Variants in PTPRB observed in about 807,000 individuals in gnomAD.
The protein encoded by PTPRB is receptor-type tyrosine-protein phosphatase beta.
In PTPRB, 97 loss-of-function variants were observed where a neutral mutation model predicts 238.1. The ratio of observed to expected loss-of-function variants is 0.41; its 90% CI spans 0.35 to 0.48. The LOEUF is 0.48. Ranked by LOEUF, PTPRB falls within the 20% of genes least tolerant of loss-of-function variation. The pLI is 0.30. For synonymous variants in PTPRB, 970 were observed against 995.4 expected, an observed-to-expected ratio of 0.97 and a Z score of 0.48; for missense variants, 2,292 against 2,681.9, an observed-to-expected ratio of 0.85 and a Z score of 3.21.
Position 70,611,283 on chromosome 12 carries a change from C to CTATT in PTPRB, c.709-1948_709-1945dup, listed in dbSNP as rs555158055. ...GAAAAAAGTGAAAATTGTTTCAATTCTATTTATTTATTTATTTATTTTTGA... is the reference window on the plus strand; with the variant it reads ...GAAAAAAGTGAAAATTGTTTCAATTCTATTTATTTATTTATTTATTTATTTTTGA... On this transcript the variant is annotated intron_variant, in intron 3 of 33. Transcript: ENST00000334414. 3.8e-4 allele frequency among the ~76,000 whole-genome samples: 58 copies of CTATT among 152,078 alleles called. No individual in the cohort carries two copies. In the South Asian group the frequency reaches 5.8e-3, roughly 15 times the overall value.
At chr12:70,628,619 A>G (rs536186290) in intron 2 of PTPRB, among the ~76,000 whole-genome samples, 6 of 152,204 alleles carry the variant, frequency 3.9e-5, no homozygotes, top group African/African-American at 1.4e-4. Flanking sequence ...AGGCCAAGGC[A>G]TGAGAAATTT....
rs1449619717 is a variant in PTPRB, at chr12:70,566,291, G to GT, written c.3904+143dup. Reference sequence around the variant, plus strand: ...CGTGGATAGGGCAACTGACATGGAAGTGGCAAATCAGGGTGAATGTTCCCA... The same window carrying GT: ...CGTGGATAGGGCAACTGACATGGAAGTTGGCAAATCAGGGTGAATGTTCCCA... On this transcript the variant is annotated intron_variant, in intron 15 of 33. Coordinates refer to ENST00000334414, the MANE Select transcript of PTPRB (RefSeq NM_001109754.4). 17 of 1,050,178 alleles carry GT rather than the reference G, an allele frequency of 1.6e-5. No individual in the cohort carries two copies. In the African/African-American group the frequency reaches 2.7e-4, roughly 17 times the overall value. 65.1% of individuals were successfully genotyped at this position (1,050,178 alleles called of 1,614,324 possible).
At chr12:70,528,848 C>T (rs1359165840) in intron 32 of PTPRB, among the ~76,000 whole-genome samples, 1 of 152,058 alleles carries the variant, frequency 6.6e-6, no homozygotes, top group Admixed American at 6.6e-5. Context: ...GATGGCAATA[C>T]TATTAAATGA....
At chr12:70,535,346 A>G (rs1045574309) in intron 29 of PTPRB, among the ~76,000 whole-genome samples, 3 of 148,944 alleles carry the variant, frequency 2.0e-5, no homozygotes, top group African/African-American at 4.9e-5. Context: ...AGAGGAAGGC[A>G]CTGTCTTCCT....
rs1266834094 is a variant in PTPRB at position 70,546,811 on chromosome 12, GGCTGGAGGAGAAGCAGTCCCAGGGAA to G, written c.5388-2174_5388-2149del. On this transcript the variant is annotated intron_variant, in intron 21 of 33. Coordinates refer to ENST00000334414, the MANE Select transcript of PTPRB (RefSeq NM_001109754.4). ...GCTGGAGGAGAAGCAGTCCCAGGGA[GGCTGGAGGAGAAGCAGTCCCAGGGAA>G]GCTGGAGGAGGGCATCGCTGCTCTA... Among the ~76,000 whole-genome samples, 12 of 150,194 alleles carry G rather than the reference GGCTGGAGGAGAAGCAGTCCCAGGGAA, an allele frequency of 8.0e-5. No homozygotes were observed. In the South Asian group the frequency reaches 8.3e-4, roughly 10 times the overall value.
Position 70,571,946 on chromosome 12 carries a change from C to T in PTPRB, c.2984G>A (p.Ser995Asn). The T allele has an allele frequency of 2.5e-6, 4 of 1,613,978 alleles. No individual in the cohort carries two copies. Among genetic ancestry groups the T allele is most frequent in the Non-Finnish European group, 3.4e-6 (4 of 1,179,890 alleles). ...KNKNNFIQTK[S>N]IPKSENECVF... ...ACATTCGTTTTCTGACTTGGGAATGCTTTTAGTTTGAATGAAGTTGTTTTT... is the reference window on the plus strand; with the variant it reads ...ACATTCGTTTTCTGACTTGGGAATGTTTTTAGTTTGAATGAAGTTGTTTTT... The change falls in exon 12 of 34, where the codon AGC becomes AAC. Residue 995 changes from serine to asparagine, a missense_variant. Coordinates refer to ENST00000334414, the MANE Select transcript of PTPRB (RefSeq NM_001109754.4).
rs768889782 is a variant in PTPRB, at chr12:70,576,369, C to T, written c.2842+13G>A. The T allele has an allele frequency of 6.2e-7, 1 of 1,610,430 alleles. No homozygotes were observed. ...TGGTTCTTACGGAGCCCTGAACCTT[C>T]ATACAGCCTTACCTGTCCGCTCTTG... On this transcript the variant is annotated intron_variant, in intron 11 of 33. Coordinates refer to ENST00000334414, the MANE Select transcript of PTPRB (RefSeq NM_001109754.4).
chr12:70,541,660 TC>T (rs34012131), intron 22 of PTPRB: 36,082 of 152,204 alleles, frequency 0.24, 5,011 homozygotes, highest in East Asian at 0.49. Context: ...TAATCTACTT[TC>T]TGTGTCTGTG....
At chr12:70,541,170 A>T (rs550116171) in intron 22 of PTPRB, 1 of 515,334 alleles carries the variant, frequency 1.9e-6, no homozygotes, top group Middle Eastern at 4.7e-4. Flanking sequence ...CAGTGAGGCC[A>T]GGTGTCACTG....
At chr12:70,546,515 T>G (rs896609729) in intron 21 of PTPRB, among the ~76,000 whole-genome samples, 2 of 152,148 alleles carry the variant, frequency 1.3e-5, no homozygotes, top group Admixed American at 6.5e-5. Context: ...TAGAGATCAT[T>G]TGAGTGACTG....
intron 32 of PTPRB, 131 bp downstream of exon 32, chr12:70,531,904 A>G (rs1873305604): frequency 9.9e-7 from 1 of 1,005,942 alleles, no homozygotes. Flanking sequence ...AAATATCTAC[A>G]TGCAGTTCTT....
At position 70,590,107 on chromosome 12, in the gene PTPRB, A is replaced by G. The variant is rs749761853; in HGVS notation, c.1907T>C (p.Val636Ala). ...YRILLFNDSV[V>A]LLNITVGKEE... is the part of the protein sequence containing the mutation. The stretch of plus-strand genomic sequence containing the variant: ...CTTTCCCACAGTGATGTTGAGCAGC[A>G]CCACAGAATCATTGAAGAGTAGGAT... The change falls in exon 8 of 34, where the codon GTG becomes GCG. Residue 636 changes from valine (V) to alanine (A), a missense_variant. By Grantham distance (64) the Val-to-Ala change is moderately conservative (BLOSUM62 0). Transcript: ENST00000334414. 1.2e-6 allele frequency: 2 copies of G among 1,613,914 alleles called. No individual in the cohort carries two copies. Among genetic ancestry groups the G allele is most frequent in the Admixed American group, 1.7e-5 (1 of 60,010 alleles).
chr12:70,536,139 T>C lies in PTPRB; in HGVS notation c.5967A>G (p.Glu1989=). The C allele has an allele frequency of 1.2e-6, 2 of 1,613,626 alleles. No homozygotes were observed. The highest frequency in any genetic ancestry group is 1.7e-6 in the Non-Finnish European group (2 of 1,179,702). Residue 1989 remains glutamate (E), a synonymous_variant, in exon 29 of 34, where the codon GAA becomes GAG. Transcript: ENST00000334414. The part of the protein sequence containing the change: ...SYIPGNNFRR[E]YIVTQGPLPG... Reference sequence around the variant, plus strand: ...GAAGCGGTCCCTGAGTGACAATGTATTCTCTTCTGAAGTTGTTGCCCTGCA... The same window carrying C: ...GAAGCGGTCCCTGAGTGACAATGTACTCTCTTCTGAAGTTGTTGCCCTGCA...
intron 11 of PTPRB, among the ~76,000 whole-genome samples, chr12:70,572,430 A>G (rs1880171656): frequency 2.0e-5 from 3 of 152,132 alleles, no homozygotes; most frequent in Admixed American, 2.0e-4. Flanking sequence ...TGCTGACTCA[A>G]AAGTTACTAA....
intron 12 of PTPRB, 73 bp from the exon 13 acceptor site, chr12:70,571,362 CA>C (rs1172280557): frequency 1.8e-5 from 25 of 1,395,244 alleles, no homozygotes; most frequent in Non-Finnish European, 2.4e-5. Flanking sequence ...ATTTATGAAT[CA>C]CATTCAAGGA....
At chr12:70,562,572 T>C (rs371583055) in intron 16 of PTPRB, among the ~76,000 whole-genome samples, 10 of 152,258 alleles carry the variant, frequency 6.6e-5, no homozygotes, top group African/African-American at 2.4e-4. Flanking sequence ...TTGTACAGTT[T>C]GATGGCAAGA....
chr12:70,539,702 T>C lies in PTPRB; in HGVS notation c.5701A>G (p.Ile1901Val), dbSNP rs1186197675. ...TGCCCTTCAAACTGATTTATTTTTATTGGACTGTAATTAAAAATGAAACAA... is the reference window on the plus strand; with the variant it reads ...TGCCCTTCAAACTGATTTATTTTTACTGGACTGTAATTAAAAATGAAACAA... Reference protein sequence around the residue: ...QKGNRKTSCPIKINQFEGHFM... With the variant: ...QKGNRKTSCPVKINQFEGHFM... The change falls in exon 26 of 34, where the codon ATA becomes GTA. Residue 1901 changes from isoleucine to valine, a missense_variant. Physicochemically the swap from Ile to Val is conservative, Grantham distance 29 (BLOSUM62 3). Around this residue, in one of 4 missense-constraint regions of PTPRB, gnomAD observed 397 missense variants for 502.0 expected, o/e 0.79. Coordinates refer to ENST00000334414, the MANE Select transcript of PTPRB (RefSeq NM_001109754.4). 1 of 1,602,332 alleles carries C rather than the reference T, an allele frequency of 6.2e-7. No homozygotes were observed.
chr12:70,565,053 T>A (rs1319863829), intron 15 of PTPRB, among the ~76,000 whole-genome samples: 1 of 151,768 alleles, frequency 6.6e-6, no homozygotes, highest in Non-Finnish European at 1.5e-5. Flanking sequence ...ACCATGGGAG[T>A]TTTTTTATTC....
rs371350654 is a variant in PTPRB at position 70,576,371 on chromosome 12, T to C, written c.2842+11A>G. On this transcript the variant is annotated intron_variant, in intron 11 of 33. Coordinates refer to ENST00000334414, the MANE Select transcript of PTPRB (RefSeq NM_001109754.4). ...GTTCTTACGGAGCCCTGAACCTTCA[T>C]ACAGCCTTACCTGTCCGCTCTTGGC... 464 of 1,610,608 alleles carry C rather than the reference T, an allele frequency of 2.9e-4. No individual in the cohort carries two copies. Among genetic ancestry groups the C allele is most frequent in the Non-Finnish European group, 3.8e-4 (451 of 1,178,636 alleles).
Sources: gnomAD v4.1 joint callset for allele counts (sites outside exome capture counted in the v4.1 genomes callset) on GRCh38, gnomAD v4.1.1 for gene constraint, gnomAD v4.1.1 regional missense constraint, MANE v1.5 for transcripts, NCBI Gene and HGNC (gene_info 2026-07-23, HGNC 2026-07-21) for gene names.